FAT4: variants seen among roughly 807,000 people sequenced by gnomAD.
FAT4 encodes the protein protocadherin Fat 4.
A neutral mutation model predicts 303.9 loss-of-function variants in FAT4; 84 were observed. The observed-to-expected ratio is 0.28, with a 90% CI of 0.23 to 0.33. The LOEUF is 0.33. FAT4 is among the 10% of genes least tolerant of loss of function. The pLI, the probability that FAT4 is intolerant of heterozygous loss-of-function variation, is 1.00. For missense variants in FAT4, 6,005 were observed against 6,146.8 expected (o/e 0.98, Z 0.77); for synonymous variants, 2,307 against 2,298.8 (o/e 1.00, Z -0.10).
chr4:125,479,954 T>C, intron 15 of FAT4, 89 bp downstream of exon 15: 1 of 1,019,180 alleles, frequency 9.8e-7, no homozygotes, highest in Non-Finnish European at 1.3e-6. Flanking sequence ...AAATTAAAAA[T>C]TATGCTTTCA....
In FAT4 at chr4:125,319,276, G is replaced by A; in HGVS notation, c.2865G>A (p.Leu955=). 1 of 1,614,082 alleles carries A rather than the reference G, an allele frequency of 6.2e-7. No homozygotes were observed. ...KNGTISLLGP[L]DVHAGSYQIE... ...GCACTATTAGTCTGCTTGGGCCCCT[G>A]GATGTTCATGCTGGCTCCTACCAAA... is the stretch of plus-strand genomic sequence containing the variant. The change falls in exon 2 of 18, where the codon CTG becomes CTA. Residue 955 remains leucine (L), a synonymous_variant. Coordinates refer to ENST00000394329, the MANE Select transcript of FAT4 (RefSeq NM_001291303.3).
rs1251274183 is a variant in FAT4 at position 125,317,195 on chromosome 4, G to C, written c.784G>C (p.Asp262His). 6.3e-7 allele frequency: 1 copy of C among 1,594,882 alleles called. No homozygotes were observed. ...TCACTACCAGGCGGGGGTGCCTGAG[G>C]ACGCGGTTGTGGGTTCCAGCGTCCT... is the stretch of plus-strand genomic sequence containing the variant. ...SSHYQAGVPEDAVVGSSVLQV... is the reference protein window; with the variant it reads ...SSHYQAGVPEHAVVGSSVLQV... Residue 262 changes from aspartate (D) to histidine (H), a missense_variant, in exon 2 of 18, where the codon GAC becomes CAC. Coordinates refer to ENST00000394329, the MANE Select transcript of FAT4 (RefSeq NM_001291303.3). This position sits in a 1 kb window ranked among gnomAD's most constrained non-coding sequence, Gnocchi z 7.0.
intron 3 of FAT4, among the ~76,000 whole-genome samples, chr4:125,402,311 G>T (rs12501179): frequency 6.6e-6 from 1 of 151,326 alleles, no homozygotes; most frequent in Non-Finnish European, 1.5e-5. Context: ...TATTTTCATG[G>T]GTCTGAATTG....
chr4:125,487,746 A>G (rs558814080), intron 17 of FAT4, 140 bp downstream of exon 17: 222 of 853,234 alleles, frequency 2.6e-4, no homozygotes, highest in Non-Finnish European at 3.5e-4. Flanking sequence ...TTTATGTTTA[A>G]AAAAGTAGTT....
intron 10 of FAT4, among the ~76,000 whole-genome samples, chr4:125,458,842 C>G (rs1368826182): frequency 6.6e-6 from 1 of 151,738 alleles, no homozygotes; most frequent in African/African-American, 2.4e-5. Flanking sequence ...GGTATTTTTG[C>G]TTTTGTTTCA....
chr4:125,444,669 G>GT (rs11412613), intron 8 of FAT4, among the ~76,000 whole-genome samples: 151,080 of 152,120 alleles, frequency 0.99, 75,029 homozygotes, highest in Middle Eastern at 1. Flanking sequence ...GAAAATTTAT[G>GT]TTTTTTATCA....
rs754485366 is a variant in FAT4, at chr4:125,321,341, A to C, written c.4930A>C (p.Ile1644Leu). The C allele has an allele frequency of 1.1e-5, 18 of 1,614,196 alleles. No individual in the cohort carries two copies. Among genetic ancestry groups the C allele is most frequent in the Non-Finnish European group, 1.4e-5 (17 of 1,180,016 alleles). Residue 1644 changes from isoleucine to leucine, a missense_variant, in exon 2 of 18, where the codon ATT becomes CTT. Coordinates refer to ENST00000394329, the MANE Select transcript of FAT4 (RefSeq NM_001291303.3). ...AACTATTTTGAAGGAAGGAGAACCC[A>C]TTGGCACAAACGTGATATCAATAGA... ...YITILKEGEP[I>L]GTNVISIEAA...
chr4:125,456,401 A>T (rs1284807293), intron 10 of FAT4, among the ~76,000 whole-genome samples: 1 of 152,156 alleles, frequency 6.6e-6, no homozygotes, highest in African/African-American at 2.4e-5. Flanking sequence ...GTAGGAGATA[A>T]TCCAACTGAT....
chr4:125,364,437 T>C (rs1365002844), intron 2 of FAT4, among the ~76,000 whole-genome samples: 1 of 152,120 alleles, frequency 6.6e-6, no homozygotes, highest in Non-Finnish European at 1.5e-5. Flanking sequence ...ATTAATAACG[T>C]ATTTTAATAA....
intron 8 of FAT4, among the ~76,000 whole-genome samples, chr4:125,438,399 A>G (rs1725533314): frequency 6.6e-6 from 1 of 152,176 alleles, no homozygotes; most frequent in South Asian, 2.1e-4. Context: ...ACTGTTTTAC[A>G]AAGCTGTACT....
intron 10 of FAT4, among the ~76,000 whole-genome samples, chr4:125,461,241 C>A (rs1481361385): frequency 2.0e-5 from 3 of 151,896 alleles, no homozygotes; most frequent in African/African-American, 7.2e-5. Flanking sequence ...AGAATTGATT[C>A]ATATAATTAT....
At chr4:125,478,776 C>T (rs1028252830) in intron 14 of FAT4, among the ~76,000 whole-genome samples, 1 of 152,078 alleles carries the variant, frequency 6.6e-6, no homozygotes, top group Admixed American at 6.5e-5. Flanking sequence ...TGATCCACCA[C>T]CTCAGCCTCC....
At chr4:125,435,807 G>T (rs1054844340) in intron 8 of FAT4, among the ~76,000 whole-genome samples, 3 of 152,036 alleles carry the variant, frequency 2.0e-5, no homozygotes, top group African/African-American at 7.2e-5. Flanking sequence ...AAACTACTGG[G>T]GAGTTTTAAA....
In FAT4 at chr4:125,448,802, G is replaced by A; in HGVS notation, c.7792G>A (p.Gly2598Arg). 1 of 1,610,050 alleles carries A rather than the reference G, an allele frequency of 6.2e-7. No individual in the cohort carries two copies. The highest frequency in any genetic ancestry group is 1.1e-5 in the South Asian group (1 of 91,072). Residue 2598 changes from glycine (G) to arginine (R), a missense_variant, in exon 10 of 18, where the codon GGA becomes AGA. Transcript: ENST00000394329. ...VTTITGSSLR[G>R]EPMSYYIASG... Reference sequence around the variant, plus strand: ...CACCATCACAGGATCCTCTTTAAGAGGAGAACCTATGTCATATTATATCGC... The same window carrying A: ...CACCATCACAGGATCCTCTTTAAGAAGAGAACCTATGTCATATTATATCGC...
intron 7 of FAT4, among the ~76,000 whole-genome samples, chr4:125,426,443 T>A (rs1214788545): frequency 6.6e-6 from 1 of 152,090 alleles, no homozygotes; most frequent in Non-Finnish European, 1.5e-5. Context: ...CATTGGCATA[T>A]TTGTCATAGA....
chr4:125,320,479 G>T lies in FAT4; in HGVS notation c.4068G>T (p.Gly1356=), dbSNP rs753424341. ...CTGATTTATATTACAGTATTACTGG[G>T]ACTAACAACCACGGAACTTTTAGCA... ...DNADLYYSIT[G]TNNHGTFSIS... Residue 1356 remains glycine, a synonymous_variant, in exon 2 of 18, where the codon GGG becomes GGT. Transcript: ENST00000394329. 1.9e-6 allele frequency: 3 copies of T among 1,614,106 alleles called. No individual in the cohort carries two copies. Among genetic ancestry groups the T allele is most frequent in the East Asian group, 4.5e-5 (2 of 44,876 alleles).
At chr4:125,489,572 G>A (rs1417395401) in intron 17 of FAT4, among the ~76,000 whole-genome samples, 5 of 152,178 alleles carry the variant, frequency 3.3e-5, no homozygotes, top group South Asian at 4.2e-4. Context: ...TATATGGGAT[G>A]TAAAAAGGAA....
intron 2 of FAT4, among the ~76,000 whole-genome samples, chr4:125,321,944 C>T (rs1181474372): frequency 6.6e-6 from 1 of 152,142 alleles, no homozygotes; most frequent in East Asian, 1.9e-4. Flanking sequence ...AGAAGATGGG[C>T]ACTTTCAGAA....
intron 2 of FAT4, among the ~76,000 whole-genome samples, chr4:125,377,672 G>A (rs1733385493): frequency 6.6e-6 from 1 of 151,994 alleles, no homozygotes; most frequent in African/African-American, 2.4e-5. Flanking sequence ...GAGTTTTATA[G>A]GTAAAATATG....
Sources: allele counts gnomAD v4.1 joint callset (sites outside exome capture counted in the v4.1 genomes callset), GRCh38; gene constraint gnomAD v4.1.1; non-coding constraint Gnocchi (gnomAD v3.1); transcripts MANE v1.5; gene names NCBI Gene and HGNC (gene_info 2026-07-23, HGNC 2026-07-21).